Variants in SOX6 observed in about 807,000 individuals in gnomAD.
SOX6 encodes the protein SRY-box transcription factor 6, also known as transcription factor SOX-6.
SOX6 carries 11 observed loss-of-function variants against 97.8 expected under a neutral mutation model. That is an observed-to-expected ratio of 0.11 (90% CI 0.07 to 0.19). SOX6 has a LOEUF of 0.19. Among genes scored for constraint, SOX6 ranks in the 10% least tolerant of loss-of-function variants. SOX6 has a pLI of 1.00. For missense variants in SOX6, 810 were observed against 1,039.5 expected (o/e 0.78, Z 3.04); for synonymous variants, 360 against 371.4 (o/e 0.97, Z 0.35).
At chr11:16,551,779 T>A (rs1847690612) in intron 4 of SOX6, among the ~76,000 whole-genome samples, 1 of 151,792 alleles carries the variant, frequency 6.6e-6, no homozygotes, top group Non-Finnish European at 1.5e-5. Context: ...AATTTTTGTA[T>A]TTTTTTAGTA....
chr11:16,643,982 C>T (rs749107943), intron 3 of SOX6, among the ~76,000 whole-genome samples: 1 of 152,212 alleles, frequency 6.6e-6, no homozygotes, highest in Non-Finnish European at 1.5e-5. Context: ...ATGCAGAAAT[C>T]ATCCATCTTC....
At chr11:16,007,290 CAAT>C (rs1201179088) in intron 13 of SOX6, among the ~76,000 whole-genome samples, 2 of 152,018 alleles carry the variant, frequency 1.3e-5, no homozygotes, top group Admixed American at 6.6e-5. Context: ...AATGGCAACA[CAAT>C]GATAAGTATT....
At position 16,318,434 on chromosome 11, in the gene SOX6, G is replaced by T; in HGVS notation, c.445+12C>A. ...AAAAAAAACAGAGCCCAACAGTGAA[G>T]TCCACACATACCCTCTTGTTCAGTC... On this transcript the variant is annotated intron_variant, in intron 3 of 15. Transcript: ENST00000683767. The T allele has an allele frequency of 6.2e-7, 1 of 1,610,438 alleles. No individual in the cohort carries two copies. The highest frequency in any genetic ancestry group is 8.5e-7 in the Non-Finnish European group (1 of 1,178,244).
intron 4 of SOX6, among the ~76,000 whole-genome samples, chr11:16,524,479 T>C (rs1949045725): frequency 6.6e-6 from 1 of 152,000 alleles, no homozygotes; most frequent in African/African-American, 2.4e-5. Flanking sequence ...ATGGGACATA[T>C]CTCAAAATAA....
chr11:16,729,972 G>A (rs1045439131), intron 2 of SOX6, among the ~76,000 whole-genome samples: 1 of 150,990 alleles, frequency 6.6e-6, no homozygotes, highest in Non-Finnish European at 1.5e-5. Flanking sequence ...AAAAGACAAA[G>A]AAGGGCATTA....
chr11:16,184,931 AAG>A (rs1158404425), intron 5 of SOX6, among the ~76,000 whole-genome samples: 2 of 152,114 alleles, frequency 1.3e-5, no homozygotes, highest in African/African-American at 4.8e-5. Context: ...CCTTTTTGTC[AAG>A]AGTGTCTTTT....
intron 6 of SOX6, among the ~76,000 whole-genome samples, chr11:16,149,765 G>A (rs539564949): frequency 1.3e-5 from 2 of 152,282 alleles, no homozygotes; most frequent in South Asian, 2.1e-4. Context: ...GGCAACAGCT[G>A]GAGAAGTGAG....
intron 6 of SOX6, among the ~76,000 whole-genome samples, chr11:16,137,800 C>A (rs572944073): frequency 6.6e-6 from 1 of 152,232 alleles, no homozygotes; most frequent in East Asian, 1.9e-4. Context: ...GCAGTTCCCC[C>A]CATCCTGTTC....
rs965696978 is a variant in SOX6 at position 16,055,992 on chromosome 11, C to G, written c.1102-91G>C. 3 of 1,393,216 alleles carry G rather than the reference C, an allele frequency of 2.2e-6. No individual in the cohort carries two copies. In the African/African-American group the frequency reaches 4.3e-5, roughly 20 times the overall value. 86.3% of individuals were successfully genotyped at this position (1,393,216 alleles called of 1,614,324 possible). A position where few individuals can be genotyped will look rare whatever the true frequency, so the allele number is the denominator to read the frequency against. ...AAACTTACCATATTGTTAGATTTCTCAGACAGCCTTGTAATTTCTTTTTCA... is the reference window on the plus strand; with the variant it reads ...AAACTTACCATATTGTTAGATTTCTGAGACAGCCTTGTAATTTCTTTTTCA... On this transcript the variant is annotated intron_variant, in intron 9 of 15. Transcript: ENST00000683767.
intron 6 of SOX6, among the ~76,000 whole-genome samples, chr11:16,175,314 A>G (rs1317248923): frequency 6.6e-6 from 1 of 151,904 alleles, no homozygotes; most frequent in Non-Finnish European, 1.5e-5. Flanking sequence ...TGCTTAAGCA[A>G]TTACTAGGGG....
At chr11:16,677,499 T>G (rs1473497661) in intron 3 of SOX6, among the ~76,000 whole-genome samples, 3 of 152,230 alleles carry the variant, frequency 2.0e-5, no homozygotes, top group Admixed American at 2.0e-4. Flanking sequence ...TCCACCATTT[T>G]TGTTTATGTT....
chr11:16,183,427 A>G (rs1751144021), intron 6 of SOX6, among the ~76,000 whole-genome samples: 1 of 152,070 alleles, frequency 6.6e-6, no homozygotes, highest in African/African-American at 2.4e-5. Flanking sequence ...TAGAAGGAAT[A>G]CAATTAATAT....
At chr11:16,099,369 G>A (rs1848880418) in intron 7 of SOX6, among the ~76,000 whole-genome samples, 1 of 151,572 alleles carries the variant, frequency 6.6e-6, no homozygotes, top group Admixed American at 6.6e-5. Context: ...CCTAATCTAA[G>A]TCAAATAGTA....
At chr11:16,365,187 G>A (rs1045062096) in intron 1 of SOX6, among the ~76,000 whole-genome samples, 14 of 151,782 alleles carry the variant, frequency 9.2e-5, no homozygotes, top group African/African-American at 3.4e-4. Context: ...GTGTGTATAG[G>A]AGAAAAACAG....
At chr11:15,973,408 T>C (rs1853375415) in intron 15 of SOX6, among the ~76,000 whole-genome samples, 1 of 152,302 alleles carries the variant, frequency 6.6e-6, no homozygotes, top group African/African-American at 2.4e-5. Flanking sequence ...CACCTGGCAT[T>C]AGGAACAAAT....
chr11:16,255,398 T>C (rs1167192568), intron 3 of SOX6, among the ~76,000 whole-genome samples: 1 of 152,062 alleles, frequency 6.6e-6, no homozygotes, highest in Non-Finnish European at 1.5e-5. Flanking sequence ...TGAAATAATA[T>C]GTCTGCTCTC....
intron 9 of SOX6, among the ~76,000 whole-genome samples, chr11:16,095,572 C>T (rs568037046): frequency 6.1e-4 from 92 of 151,830 alleles, no homozygotes; most frequent in Admixed American, 2.4e-3. Flanking sequence ...CCTCTCCAAA[C>T]CTCAGCTGTT....
chr11:16,379,036 A>C (rs2134406074), intron 1 of SOX6, among the ~76,000 whole-genome samples: 1 of 152,302 alleles, frequency 6.6e-6, no homozygotes, highest in East Asian at 1.9e-4. Context: ...TGAGACACTG[A>C]GAAATTAAGC....
At chr11:16,075,127 T>G (rs1848322085) in intron 9 of SOX6, among the ~76,000 whole-genome samples, 1 of 152,096 alleles carries the variant, frequency 6.6e-6, no homozygotes, top group African/African-American at 2.4e-5. Flanking sequence ...AAACAAGCAA[T>G]GAGGAAAGGA....
Sources: allele counts gnomAD v4.1 joint callset (sites outside exome capture counted in the v4.1 genomes callset), GRCh38; gene constraint gnomAD v4.1.1; transcripts MANE v1.5; gene names NCBI Gene and HGNC (gene_info 2026-07-23, HGNC 2026-07-21).